The following KDM5B variants were observed in gnomAD, a reference collection of about 807,000 sequenced individuals.
The protein encoded by KDM5B is lysine-specific demethylase 5B.
KDM5B carries 144 observed loss-of-function variants against 193.4 expected under a neutral mutation model. That is an observed-to-expected ratio of 0.74 (90% CI 0.65 to 0.86). The LOEUF (loss-of-function observed/expected upper bound fraction) is 0.86, where lower values mean the gene tolerates loss of function less well. Among genes scored for constraint, KDM5B ranks in the 40% least tolerant of loss-of-function variants. KDM5B has a pLI of 0.00. For missense variants in KDM5B, 1,833 were observed against 1,886.9 expected (o/e 0.97, Z 0.53); for synonymous variants, 668 against 682.6 (o/e 0.98, Z 0.33).
chr1:202,785,850 G>A (rs1230401384), intron 1 of KDM5B, among the ~76,000 whole-genome samples: 2 of 151,362 alleles, frequency 1.3e-5, no homozygotes, highest in African/African-American at 4.9e-5. Context: ...CAGATGATGC[G>A]GTGAGCAGAG....
At chr1:202,732,037 CA>C in intron 23 of KDM5B, 98 bp from the exon 24 acceptor site, 4 of 615,198 alleles carry the variant, frequency 6.5e-6, no homozygotes, top group South Asian at 1.9e-5. Context: ...GGCAGGCAAC[CA>C]GGGGAAAAAA....
intron 25 of KDM5B, among the ~76,000 whole-genome samples, chr1:202,730,544 T>C (rs532225219): frequency 6.6e-6 from 1 of 152,242 alleles, no homozygotes; most frequent in African/African-American, 2.4e-5. Context: ...CAAATGAAAT[T>C]TGCCATGAAA....
At chr1:202,761,231 A>T (rs959558778) in intron 7 of KDM5B, among the ~76,000 whole-genome samples, 1 of 152,102 alleles carries the variant, frequency 6.6e-6, no homozygotes, top group African/African-American at 2.4e-5. Flanking sequence ...TGAAGCCAGG[A>T]GTTTGAGACC....
intron 18 of KDM5B, among the ~76,000 whole-genome samples, chr1:202,742,065 G>A (rs1306176264): frequency 6.6e-6 from 1 of 151,666 alleles, no homozygotes; most frequent in Non-Finnish European, 1.5e-5. Context: ...TAGTAGAGAT[G>A]GGGTTTCACC....
intron 1 of KDM5B, among the ~76,000 whole-genome samples, chr1:202,789,256 C>G (rs1020296822): frequency 6.6e-6 from 1 of 152,130 alleles, no homozygotes; most frequent in African/African-American, 2.4e-5. Context: ...AGTGGCTCAT[C>G]ATGTCTGTAA....
chr1:202,774,285 C>A lies in KDM5B; in HGVS notation c.405+328G>T, dbSNP rs181322666. 9.1e-4 allele frequency among the ~76,000 whole-genome samples: 138 copies of A among 152,254 alleles called. 1 individual carries two copies. The East Asian group carries it at 0.017, about 19-fold the overall frequency. ...TTTGAGACAGGGTCTCGCTCAGTTACCCAGGCTGGAGTGCAGTGGTGCAAT... is the reference window on the plus strand; with the variant it reads ...TTTGAGACAGGGTCTCGCTCAGTTAACCAGGCTGGAGTGCAGTGGTGCAAT... On this transcript the variant is annotated intron_variant, in intron 3 of 26. Coordinates refer to ENST00000367265, the MANE Select transcript of KDM5B (RefSeq NM_006618.5).
chr1:202,755,333 G>A lies in KDM5B; in HGVS notation c.1476C>T (p.Cys492=). 1 of 1,614,004 alleles carries A rather than the reference G, an allele frequency of 6.2e-7. No homozygotes were observed. The change falls in exon 11 of 27, where the codon TGC becomes TGT. Residue 492 remains cysteine, a synonymous_variant. Transcript: ENST00000367265. ...CAATGTGCCAACAGAATGAAGAAAA[G>A]CACATTCCCACATACAACCAAGGAA... ...MKLPWLYVGM[C]FSSFCWHIED...
In KDM5B at chr1:202,755,292, T is replaced by G. The variant is rs539014191; in HGVS notation, c.1517A>C (p.Tyr506Ser). The G allele has an allele frequency of 4.3e-6, 7 of 1,614,058 alleles. No individual in the cohort carries two copies. The highest frequency in any genetic ancestry group is 5.9e-6 in the Non-Finnish European group (7 of 1,179,938). Reference sequence around the variant, plus strand: ...TCACCAGTGCAAGTAGTTAATTGAATAGCTCCAGTGGTCTTCAATGTGCCA... The same window carrying G: ...TCACCAGTGCAAGTAGTTAATTGAAGAGCTCCAGTGGTCTTCAATGTGCCA... ...FCWHIEDHWS[Y>S]SINYLHWGEP... Residue 506 changes from tyrosine to serine, a missense_variant, in exon 11 of 27, where the codon TAT (tyrosine) becomes TCT (serine). Physicochemically the swap from Tyr to Ser is moderately radical, Grantham distance 144 (BLOSUM62 -2). This residue lies in a region of KDM5B where 1,379 missense variants were observed against 1,349.6 expected (regional missense o/e 1.02). Transcript: ENST00000367265.
At chr1:202,773,446 C>T (rs1656805678) in intron 3 of KDM5B, among the ~76,000 whole-genome samples, 158 bp from the exon 4 acceptor site, 1 of 152,174 alleles carries the variant, frequency 6.6e-6, no homozygotes, top group Admixed American at 6.5e-5. Context: ...TATATACACA[C>T]ACACTATTAA....
intron 3 of KDM5B, among the ~76,000 whole-genome samples, chr1:202,773,744 T>C (rs1222490198): frequency 6.6e-6 from 1 of 152,026 alleles, no homozygotes; most frequent in East Asian, 1.9e-4. Flanking sequence ...CTTCTTTTTT[T>C]TTTTTTTTCT....
Position 202,767,701 on chromosome 1 carries a change from T to TA in KDM5B, c.577-642dup, listed in dbSNP as rs551808204. 7.8e-3 allele frequency among the ~76,000 whole-genome samples: 1,187 copies of TA among 152,156 alleles called. 18 individuals are homozygous for TA. The highest frequency in any genetic ancestry group is 0.027 in the African/African-American group (1,116 of 41,494). ...ATACATCTATACAGGTTTAAAACATTAAAAAAAATTTTAACAGGTGGTGTT... is the reference window on the plus strand; with the variant it reads ...ATACATCTATACAGGTTTAAAACATTAAAAAAAAATTTTAACAGGTGGTGTT... On this transcript the variant is annotated intron_variant, in intron 4 of 26. Coordinates refer to ENST00000367265, the MANE Select transcript of KDM5B (RefSeq NM_006618.5).
At chr1:202,789,765 G>C (rs867347115) in intron 1 of KDM5B, among the ~76,000 whole-genome samples, 4 of 151,746 alleles carry the variant, frequency 2.6e-5, no homozygotes, top group South Asian at 4.2e-4. Flanking sequence ...CAGAGAGAGA[G>C]AGCAAGAGAA....
rs1365655371 is a variant in KDM5B at position 202,726,346 on chromosome 1, C to CA, written c.*2689dup. On this transcript the variant is annotated 3_prime_UTR_variant, in exon 27 of 27. Coordinates refer to ENST00000367265, the MANE Select transcript of KDM5B (RefSeq NM_006618.5). ...TACTGAAACGAAGCTGTAAAGAAGT[C>CA]AACTTCCTTTACATAGTCCAAATTA... The CA allele has an allele frequency of 6.6e-6, 1 of 152,180 alleles. No homozygotes were observed. The highest frequency in any genetic ancestry group is 1.5e-5 in the Non-Finnish European group (1 of 68,028). 9.4% of individuals were successfully genotyped at this position (152,180 alleles called of 1,614,324 possible).
At chr1:202,737,176 A>T (rs1467962932) in intron 20 of KDM5B, among the ~76,000 whole-genome samples, 1 of 152,252 alleles carries the variant, frequency 6.6e-6, no homozygotes, top group African/African-American at 2.4e-5. Context: ...CCAATGATTA[A>T]TTAAAGCAAC....
intron 2 of KDM5B, 30 bp from the exon 3 acceptor site, chr1:202,774,765 C>A: frequency 6.2e-7 from 1 of 1,601,496 alleles, no homozygotes; most frequent in South Asian, 1.1e-5. Flanking sequence ...GTTTTCATCT[C>A]ATTTAGCTTA....
intron 23 of KDM5B, among the ~76,000 whole-genome samples, chr1:202,732,551 A>G (rs1386521019): frequency 6.6e-6 from 1 of 152,158 alleles, no homozygotes; most frequent in Non-Finnish European, 1.5e-5. Context: ...TTCATCATCT[A>G]TGTGTCAGGC....
At chr1:202,766,738 C>T (rs1037950099) in intron 5 of KDM5B, among the ~76,000 whole-genome samples, 188 bp downstream of exon 5, 3 of 152,126 alleles carry the variant, frequency 2.0e-5, no homozygotes, top group Non-Finnish European at 2.9e-5. Flanking sequence ...AAGACTTATT[C>T]GATTCCTTAC....
chr1:202,735,443 C>T lies in KDM5B; in HGVS notation c.3409G>A (p.Glu1137Lys). The change falls in exon 22 of 27, where the codon GAG becomes AAG. Residue 1137 changes from glutamate to lysine, a missense_variant. By Grantham distance (56) the Glu-to-Lys change is moderately conservative. Around this residue, in one of 3 missense-constraint regions of KDM5B, gnomAD observed 1,379 missense variants for 1,349.6 expected, o/e 1.02. Coordinates refer to ENST00000367265, the MANE Select transcript of KDM5B (RefSeq NM_006618.5). The stretch of plus-strand genomic sequence containing the variant: ...ACCCTACATACAGCTGAAGCAGTCT[C>T]CTTGCTTTCAGTTAAAGCTCTCTCC... Reference protein sequence around the residue: ...DLERALTESKETASAMATLGE... With the variant: ...DLERALTESKKTASAMATLGE... The T allele has an allele frequency of 6.2e-7, 1 of 1,613,732 alleles. No homozygotes were observed. Among genetic ancestry groups the T allele is most frequent in the Non-Finnish European group, 8.5e-7 (1 of 1,179,882 alleles).
At chr1:202,766,088 T>A (rs1656446444) in intron 5 of KDM5B, among the ~76,000 whole-genome samples, 2 of 152,188 alleles carry the variant, frequency 1.3e-5, no homozygotes, top group Admixed American at 6.5e-5. Flanking sequence ...ATGGCATGCA[T>A]CTGTAGTTCC....
Sources: allele counts gnomAD v4.1 joint callset (sites outside exome capture counted in the v4.1 genomes callset), GRCh38; gene constraint gnomAD v4.1.1; regional missense constraint gnomAD v4.1.1; transcripts MANE v1.5; gene names NCBI Gene and HGNC (gene_info 2026-07-23, HGNC 2026-07-21).